GALNTL6: variants seen among roughly 807,000 people sequenced by gnomAD.
GALNTL6 encodes polypeptide N-acetylgalactosaminyltransferase like 6, also known as polypeptide N-acetylgalactosaminyltransferase-like 6.
In GALNTL6, 46 loss-of-function variants were observed where a neutral mutation model predicts 73.7. The ratio of observed to expected loss-of-function variants is 0.62; its 90% confidence interval spans 0.49 to 0.80. The LOEUF is 0.80. Among genes scored for constraint, GALNTL6 ranks in the 30% least tolerant of loss-of-function variants. The pLI is 0.00. For synonymous variants in GALNTL6, 259 were observed against 263.7 expected, an observed-to-expected ratio of 0.98 and a Z score of 0.17; for missense variants, 604 against 755.0, an observed-to-expected ratio of 0.80 and a Z score of 2.34.
intron 5 of GALNTL6, among the ~76,000 whole-genome samples, chr4:172,740,995 C>G (rs2110736689): frequency 6.6e-6 from 1 of 152,132 alleles, no homozygotes; most frequent in East Asian, 1.9e-4. Flanking sequence ...GGAGCCTACC[C>G]CTTTAATGAA....
At chr4:172,981,767 C>A (rs1247287088) in intron 10 of GALNTL6, among the ~76,000 whole-genome samples, 2 of 141,586 alleles carry the variant, frequency 1.4e-5, no homozygotes, top group Admixed American at 7.0e-5. Flanking sequence ...TGCATTAAAT[C>A]TATAGAATGC....
At chr4:171,959,830 C>G (rs371359432) in intron 2 of GALNTL6, among the ~76,000 whole-genome samples, 1 of 152,082 alleles carries the variant, frequency 6.6e-6, no homozygotes, top group Non-Finnish European at 1.5e-5. Context: ...TTGCCTGAAG[C>G]AAATAGAAAT....
chr4:172,289,339 A>C (rs1739379465), intron 3 of GALNTL6, among the ~76,000 whole-genome samples: 2 of 152,310 alleles, frequency 1.3e-5, no homozygotes, highest in South Asian at 4.1e-4. Context: ...CTACAGTCCA[A>C]GTGACCTTCT....
intron 2 of GALNTL6, among the ~76,000 whole-genome samples, chr4:171,972,633 A>ATAGAAAATGTATTAGTGGT (rs1218203119): frequency 6.6e-6 from 1 of 152,078 alleles, no homozygotes; most frequent in African/African-American, 2.4e-5. Context: ...AAAATACTAG[A>ATAGAAAATGTATTAGTGGT]TAGAAAATGT....
rs553645136 is a variant in GALNTL6, at chr4:172,950,900, G to A, written c.1150-1137G>A. ...AGGACACAAGAAGTAGAGACTAAGG[G>A]ACACCAGCCTATGAAAATGTACTGC... is the stretch of plus-strand genomic sequence containing the variant. On this transcript the variant is annotated intron_variant, in intron 9 of 12. Transcript: ENST00000506823. Among the ~76,000 whole-genome samples the A allele has an allele frequency of 1.2e-4, 19 of 152,282 alleles. No homozygotes were observed. The South Asian group carries it at 3.9e-3, about 32-fold the overall frequency.
intron 5 of GALNTL6, among the ~76,000 whole-genome samples, chr4:172,700,371 T>C (rs76337208): frequency 0.022 from 3,304 of 152,268 alleles, 48 homozygotes; most frequent in South Asian, 0.065. Context: ...TGTTGAAGGA[T>C]AATGATAAAA....
chr4:172,238,580 A>T (rs1737317871), intron 3 of GALNTL6, among the ~76,000 whole-genome samples: 1 of 150,734 alleles, frequency 6.6e-6, no homozygotes, highest in African/African-American at 2.4e-5. Flanking sequence ...TTCTATTTAG[A>T]TGCTTTTTAT....
rs921847825 is a variant in GALNTL6, at chr4:172,349,767, G to A, written c.553+1078G>A. ...AATATGGCGGAGATTGCAGTGAGCT[G>A]AGATCGCACCACTGAACTCCAGCCT... is the stretch of plus-strand genomic sequence containing the variant. On this transcript the variant is annotated intron_variant, in intron 5 of 12. Coordinates refer to ENST00000506823, the MANE Select transcript of GALNTL6 (RefSeq NM_001034845.3). Among the ~76,000 whole-genome samples the A allele has an allele frequency of 1.9e-3, 286 of 151,628 alleles. 2 individuals are homozygous for A. The highest frequency in any genetic ancestry group is 6.7e-3 in the African/African-American group (279 of 41,416).
At chr4:172,355,197 A>C in intron 5 of GALNTL6, among the ~76,000 whole-genome samples, 1 of 152,228 alleles carries the variant, frequency 6.6e-6, no homozygotes, top group Non-Finnish European at 1.5e-5. Flanking sequence ...CTTCTAAAGA[A>C]AGTAATAATA....
At chr4:172,790,236 T>C (rs1380129793) in intron 5 of GALNTL6, among the ~76,000 whole-genome samples, 1 of 152,206 alleles carries the variant, frequency 6.6e-6, no homozygotes, top group Non-Finnish European at 1.5e-5. Flanking sequence ...CAAATATATT[T>C]TCTTCAGCAT....
At chr4:172,749,321 A>G (rs1276167527) in intron 5 of GALNTL6, among the ~76,000 whole-genome samples, 1 of 152,130 alleles carries the variant, frequency 6.6e-6, no homozygotes, top group African/African-American at 2.4e-5. Flanking sequence ...TTTAATTATC[A>G]GCTATAATAT....
intron 2 of GALNTL6, among the ~76,000 whole-genome samples, chr4:171,850,231 C>T (rs937255668): frequency 6.6e-6 from 1 of 152,178 alleles, no homozygotes; most frequent in Admixed American, 6.5e-5. Context: ...CCCAGCCTCC[C>T]AAGGTGCTGG....
Position 172,063,610 on chromosome 4 carries a change from C to T in GALNTL6, c.139-166046C>T, listed in dbSNP as rs1255692074. Among the ~76,000 whole-genome samples, 5 of 152,032 alleles carry T rather than the reference C, an allele frequency of 3.3e-5. No individual in the cohort carries two copies. In the East Asian group the frequency reaches 7.7e-4, roughly 23 times the overall value. On this transcript the variant is annotated intron_variant, in intron 2 of 12. Coordinates refer to ENST00000506823, the MANE Select transcript of GALNTL6 (RefSeq NM_001034845.3). ...TTTATTAAAGACAATTGTTTATTAA[C>T]CCAAAATGACTACTTAAAGCAGGTC... is the stretch of plus-strand genomic sequence containing the variant.
intron 2 of GALNTL6, among the ~76,000 whole-genome samples, chr4:171,919,417 G>C (rs944564678): frequency 6.6e-6 from 1 of 151,892 alleles, no homozygotes; most frequent in African/African-American, 2.4e-5. Flanking sequence ...ATTATGTATG[G>C]GTCAGAGTTA....
intron 5 of GALNTL6, among the ~76,000 whole-genome samples, chr4:172,522,970 TTCC>T (rs1191788986): frequency 2.0e-5 from 3 of 152,134 alleles, no homozygotes; most frequent in Non-Finnish European, 4.4e-5. Flanking sequence ...CAATAGCCAA[TTCC>T]TGTCTTCCAT....
intron 7 of GALNTL6, among the ~76,000 whole-genome samples, chr4:172,825,076 T>TC (rs1742172163): frequency 1.5e-5 from 2 of 131,746 alleles, no homozygotes; most frequent in Non-Finnish European, 3.3e-5. Flanking sequence ...TTTTTGGTTA[T>TC]CTTTTCTTTC....
intron 2 of GALNTL6, among the ~76,000 whole-genome samples, chr4:171,846,812 G>A (rs1318925671): frequency 1.4e-5 from 2 of 146,610 alleles, no homozygotes; most frequent in Non-Finnish European, 3.0e-5. Flanking sequence ...ATATGTCCCT[G>A]TAGATGTATC....
At chr4:172,621,383 G>A (rs1015940652) in intron 5 of GALNTL6, among the ~76,000 whole-genome samples, 12 of 152,138 alleles carry the variant, frequency 7.9e-5, no homozygotes, top group Non-Finnish European at 1.5e-4. Context: ...GGAGATAACA[G>A]TAGCCTCAAT....
intron 7 of GALNTL6, among the ~76,000 whole-genome samples, chr4:172,850,535 A>C (rs969618009): frequency 2.6e-5 from 4 of 152,116 alleles, no homozygotes; most frequent in Non-Finnish European, 5.9e-5. Flanking sequence ...AATATACGGG[A>C]ATTTCTCCTC....
Sources: allele counts gnomAD v4.1 joint callset (sites outside exome capture counted in the v4.1 genomes callset), GRCh38; gene constraint gnomAD v4.1.1; transcripts MANE v1.5; gene names NCBI Gene and HGNC (gene_info 2026-07-23, HGNC 2026-07-21).